IL7: variants seen among roughly 807,000 people sequenced by gnomAD.
The protein encoded by IL7 is interleukin-7.
Under a neutral mutation model 21.6 loss-of-function variants are expected in IL7, and 3 were observed. The observed-to-expected ratio is 0.14, with a 90% confidence interval of 0.06 to 0.36. The LOEUF (loss-of-function observed/expected upper bound fraction) is 0.36. Ranked by LOEUF, IL7 falls within the 10% of genes least tolerant of loss-of-function variation. The pLI, the probability that IL7 is intolerant of heterozygous loss-of-function variation, is 1.00. For synonymous variants in IL7, 62 were observed against 68.1 expected (o/e 0.91, Z 0.44); for missense variants, 175 against 200.2 (o/e 0.87, Z 0.76).
At chr8:78,729,800 A>G (rs1279957067), downstream of IL7, among the ~76,000 whole-genome samples, 1 of 152,032 alleles carries the variant, frequency 6.6e-6, no homozygotes, top group African/African-American at 2.4e-5. Context: ...TTAAAGTTTT[A>G]GGTTAAAGTT....
chr8:78,797,772 A>G, intron 2 of IL7: 1 of 225,082 alleles, frequency 4.4e-6, no homozygotes, highest in East Asian at 9.6e-5. Context: ...AACATGGTAA[A>G]TGGGAGGTGA....
intron 2 of IL7, among the ~76,000 whole-genome samples, chr8:78,741,995 G>T (rs1811799402): frequency 6.6e-6 from 1 of 152,112 alleles, no homozygotes; most frequent in Non-Finnish European, 1.5e-5. Flanking sequence ...TTATTCACAT[G>T]TCACATATGT....
At chr8:78,762,091 C>G in intron 2 of IL7, 1 of 1,600,436 alleles carries the variant, frequency 6.2e-7, no homozygotes, top group Non-Finnish European at 8.5e-7. Context: ...GTTTCAGTGT[C>G]CTGATTTCAT....
At chr8:78,802,951 A>G (rs1238824191) in intron 1 of IL7, among the ~76,000 whole-genome samples, 1 of 152,164 alleles carries the variant, frequency 6.6e-6, no homozygotes, top group East Asian at 1.9e-4. Context: ...ATATGCTTTT[A>G]TTTCAGAAAA....
At chr8:78,731,747 C>T (rs984363446), downstream of IL7, among the ~76,000 whole-genome samples, 1 of 151,958 alleles carries the variant, frequency 6.6e-6, no homozygotes, top group African/African-American at 2.4e-5. Context: ...GAAATGCAAC[C>T]ATAAGTGTGT....
intron 3 of IL7, among the ~76,000 whole-genome samples, chr8:78,726,764 T>C (rs924292650): frequency 1.3e-5 from 2 of 151,974 alleles, no homozygotes; most frequent in African/African-American, 2.4e-5. Flanking sequence ...AGTCCCCTAA[T>C]CTCTCATCCT....
rs941414523 is a variant in IL7 at position 78,732,864 on chromosome 8, T to G, written c.*849A>C. ...TATGAAAATATTTTATATACAGATA[T>G]AGTGTCAAAATTAAATACAGATATT... On this transcript the variant is annotated 3_prime_UTR_variant, in exon 6 of 6. Transcript: ENST00000263851. 1 of 152,030 alleles carries G rather than the reference T, an allele frequency of 6.6e-6. No individual in the cohort carries two copies. The highest frequency in any genetic ancestry group is 1.5e-5 in the Non-Finnish European group (1 of 67,968). 9.4% of individuals were successfully genotyped at this position (152,030 alleles called of 1,614,324 possible).
chr8:78,767,234 CTG>C (rs1489671395), intron 2 of IL7, among the ~76,000 whole-genome samples: 2 of 150,834 alleles, frequency 1.3e-5, no homozygotes, highest in African/African-American at 2.4e-5. Context: ...GTGTGTGTGT[CTG>C]TGTTTATCTC....
intron 2 of IL7, among the ~76,000 whole-genome samples, chr8:78,759,897 G>T (rs540434924): frequency 6.6e-6 from 1 of 152,250 alleles, no homozygotes; most frequent in South Asian, 2.1e-4. Flanking sequence ...CAATTCCAGA[G>T]TGCCGTCAAC....
intron 2 of IL7, among the ~76,000 whole-genome samples, chr8:78,778,613 G>A (rs535215225): frequency 7.2e-4 from 109 of 152,184 alleles, no homozygotes; most frequent in Non-Finnish European, 1.3e-3. Context: ...GTCTGTTTTT[G>A]TATGAGTACT....
At chr8:78,727,239 G>T (rs574603024) in intron 3 of IL7, among the ~76,000 whole-genome samples, 1 of 152,012 alleles carries the variant, frequency 6.6e-6, no homozygotes, top group Non-Finnish European at 1.5e-5. Context: ...GCAAATTCAT[G>T]TGAGACTGTG....
chr8:78,683,667 G>C (rs781301392), intron 4 of IL7, among the ~76,000 whole-genome samples: 61 of 152,084 alleles, frequency 4.0e-4, no homozygotes, highest in Admixed American at 3.3e-4. Context: ...CCTTTGTCTT[G>C]GTGATTAACA....
At chr8:78,682,290 G>C (rs1809812782) in intron 4 of IL7, among the ~76,000 whole-genome samples, 1 of 151,500 alleles carries the variant, frequency 6.6e-6, no homozygotes. Flanking sequence ...GAAGAAATTG[G>C]ATGCATAGAT....
At chr8:78,715,274 C>T (rs1811064701), downstream of IL7, 1 of 1,613,726 alleles carries the variant, frequency 6.2e-7, no homozygotes, top group African/African-American at 1.3e-5. Flanking sequence ...AGAAATCCTG[C>T]CCCAGGTGTG....
intron 2 of IL7, among the ~76,000 whole-genome samples, chr8:78,797,354 T>TA (rs1813888645): frequency 6.6e-6 from 1 of 151,938 alleles, no homozygotes; most frequent in Non-Finnish European, 1.5e-5. Flanking sequence ...TCAAAACCCA[T>TA]AAAACTATAA....
At chr8:78,746,678 G>C (rs1239296741) in intron 2 of IL7, among the ~76,000 whole-genome samples, 1 of 152,204 alleles carries the variant, frequency 6.6e-6, no homozygotes, top group Non-Finnish European at 1.5e-5. Flanking sequence ...GACTTAGAAT[G>C]AAACACATGG....
intron 1 of IL7, among the ~76,000 whole-genome samples, chr8:78,803,512 A>G (rs1814165268): frequency 6.6e-6 from 1 of 152,238 alleles, no homozygotes; most frequent in East Asian, 1.9e-4. Context: ...GCCATGCATT[A>G]TAATCATTAT....
chr8:78,774,500 T>C (rs1813067534), intron 2 of IL7, among the ~76,000 whole-genome samples: 1 of 152,082 alleles, frequency 6.6e-6, no homozygotes, highest in South Asian at 2.1e-4. Context: ...TAATAAAAGC[T>C]CTGCATCTAT....
chr8:78,687,575 T>A, intron 3 of IL7, among the ~76,000 whole-genome samples: 1 of 142,812 alleles, frequency 7.0e-6, no homozygotes, highest in African/African-American at 2.5e-5. Flanking sequence ...AAATTATATA[T>A]ATTTACGTAA....
Sources: allele counts gnomAD v4.1 joint callset (sites outside exome capture counted in the v4.1 genomes callset), GRCh38; gene constraint gnomAD v4.1.1; transcripts MANE v1.5; gene names NCBI Gene and HGNC (gene_info 2026-07-23, HGNC 2026-07-21).